The following LIN9 variants were observed in gnomAD, a reference collection of about 807,000 sequenced individuals.
The protein encoded by LIN9 is lin-9 DREAM MuvB core complex component.
In LIN9, 18 loss-of-function variants were observed where a neutral mutation model predicts 78.0. The ratio of observed to expected loss-of-function variants is 0.23; its 90% CI spans 0.16 to 0.34. The LOEUF (loss-of-function observed/expected upper bound fraction) is 0.34, where lower values mean the gene tolerates loss of function less well. Among genes scored for constraint, LIN9 ranks in the 10% least tolerant of loss-of-function variants. LIN9 has a pLI of 1.00. For synonymous variants in LIN9, 192 were observed against 215.2 expected, an observed-to-expected ratio of 0.89 and a Z score of 0.94; for missense variants, 451 against 644.1, an observed-to-expected ratio of 0.70 and a Z score of 3.25.
rs1269316727 is a variant in LIN9, at chr1:226,231,975, T to A, written c.*526A>T. On this transcript the variant is annotated 3_prime_UTR_variant, in exon 15 of 15. Coordinates refer to ENST00000681046, the MANE Select transcript of LIN9 (RefSeq NM_001366245.2). ...ATACTTGTAAAGTCCACATTTCCCATCTATATTTCAGTGGTTTCCTTAAAA... is the reference window on the plus strand; with the variant it reads ...ATACTTGTAAAGTCCACATTTCCCAACTATATTTCAGTGGTTTCCTTAAAA... 5.1e-6 allele frequency: 2 copies of A among 395,172 alleles called. No individual in the cohort carries two copies. Among genetic ancestry groups the A allele is most frequent in the Non-Finnish European group, 8.9e-6 (2 of 224,248 alleles). The allele number at this position is 395,172 out of a possible 1,614,324, so 24.5% of individuals were successfully genotyped here.
chr1:226,247,498 TG>T (rs1658559770), intron 11 of LIN9, among the ~76,000 whole-genome samples: 1 of 152,150 alleles, frequency 6.6e-6, no homozygotes, highest in South Asian at 2.1e-4. Flanking sequence ...ACTCTAATTT[TG>T]GCCTCCAACC....
chr1:226,294,958 C>T (rs1662049182), intron 4 of LIN9, among the ~76,000 whole-genome samples: 1 of 151,812 alleles, frequency 6.6e-6, no homozygotes, highest in Admixed American at 6.6e-5. Flanking sequence ...TGCCACTATG[C>T]TAGCTAGTTT....
At chr1:226,285,767 G>C (rs1478974096) in intron 6 of LIN9, among the ~76,000 whole-genome samples, 1 of 152,066 alleles carries the variant, frequency 6.6e-6, no homozygotes, top group Non-Finnish European at 1.5e-5. Flanking sequence ...TTCTGGGAAG[G>C]CTCCTGAGAT....
intron 7 of LIN9, among the ~76,000 whole-genome samples, chr1:226,273,521 A>T (rs1386671798): frequency 6.6e-6 from 1 of 152,188 alleles, no homozygotes; most frequent in Non-Finnish European, 1.5e-5. Context: ...CTGGGATGAT[A>T]GGCATGAGCC....
chr1:226,239,546 A>G (rs1657967575), intron 11 of LIN9, among the ~76,000 whole-genome samples: 1 of 152,312 alleles, frequency 6.6e-6, no homozygotes, highest in Non-Finnish European at 1.5e-5. Context: ...CAGATTATAT[A>G]TGTTCAAATT....
chr1:226,287,474 C>T (rs920661153), intron 5 of LIN9, among the ~76,000 whole-genome samples, 190 bp downstream of exon 5: 15 of 152,044 alleles, frequency 9.9e-5, no homozygotes, highest in Non-Finnish European at 1.6e-4. Flanking sequence ...CAGTTTTCTT[C>T]CCCAAAAAGG....
At chr1:226,304,930 G>A (rs1402328456) in intron 1 of LIN9, among the ~76,000 whole-genome samples, 1 of 152,156 alleles carries the variant, frequency 6.6e-6, no homozygotes, top group African/African-American at 2.4e-5. Flanking sequence ...CTGGCACAGT[G>A]GCTCACACCT....
intron 4 of LIN9, among the ~76,000 whole-genome samples, chr1:226,289,840 G>A (rs1005496837): frequency 1.5e-5 from 1 of 65,698 alleles, no homozygotes; most frequent in Non-Finnish European, 3.3e-5. Flanking sequence ...CCTCCGGGGG[G>A]GGGGGTGGGG....
At chr1:226,305,077 G>A in intron 1 of LIN9, among the ~76,000 whole-genome samples, 1 of 151,932 alleles carries the variant, frequency 6.6e-6, no homozygotes, top group Non-Finnish European at 1.5e-5. Flanking sequence ...GGCTAAGGCA[G>A]GAGAATTGCT....
At chr1:226,281,494 A>C (rs1370102251) in intron 6 of LIN9, among the ~76,000 whole-genome samples, 1 of 152,072 alleles carries the variant, frequency 6.6e-6, no homozygotes, top group Non-Finnish European at 1.5e-5. Flanking sequence ...AAAAATTATA[A>C]TGTTCCCAAC....
intron 10 of LIN9, among the ~76,000 whole-genome samples, chr1:226,251,203 G>A (rs549279078): frequency 1.3e-5 from 2 of 150,268 alleles, no homozygotes; most frequent in African/African-American, 4.9e-5. Flanking sequence ...ACAGGCACAC[G>A]CAACCATGCC....
intron 10 of LIN9, among the ~76,000 whole-genome samples, chr1:226,251,376 C>T (rs1439596421): frequency 3.3e-5 from 5 of 152,100 alleles, no homozygotes; most frequent in Non-Finnish European, 5.9e-5. Context: ...TACAGGCACC[C>T]GCCACCATGC....
chr1:226,256,110 T>C (rs1167465089), intron 10 of LIN9, among the ~76,000 whole-genome samples: 1 of 151,950 alleles, frequency 6.6e-6, no homozygotes, highest in African/African-American at 2.4e-5. Flanking sequence ...GGTCCAGCTA[T>C]GGTGGCTCAC....
chr1:226,282,368 G>A (rs1184486840), intron 6 of LIN9, among the ~76,000 whole-genome samples: 3 of 152,070 alleles, frequency 2.0e-5, no homozygotes, highest in African/African-American at 4.8e-5. Flanking sequence ...CTACATCAAG[G>A]CAATGGAAAT....
chr1:226,280,504 G>A (rs908657034), intron 6 of LIN9, among the ~76,000 whole-genome samples: 15 of 152,090 alleles, frequency 9.9e-5, no homozygotes, highest in East Asian at 5.8e-4. Flanking sequence ...GCGGCCGGGC[G>A]CAGTGGCTCA....
At chr1:226,297,353 C>A (rs781333012) in intron 3 of LIN9, among the ~76,000 whole-genome samples, 7 of 152,092 alleles carry the variant, frequency 4.6e-5, no homozygotes, top group Non-Finnish European at 8.8e-5. Context: ...TTGAGCTACA[C>A]AATGATTTCT....
At chr1:226,303,872 C>T (rs904807049) in intron 1 of LIN9, among the ~76,000 whole-genome samples, 4 of 152,326 alleles carry the variant, frequency 2.6e-5, no homozygotes, top group South Asian at 2.1e-4. Context: ...TCCCAAAGTG[C>T]TGGGATTATA....
chr1:226,242,632 A>G (rs1658189763), intron 11 of LIN9, among the ~76,000 whole-genome samples: 1 of 152,210 alleles, frequency 6.6e-6, no homozygotes, highest in Admixed American at 6.5e-5. Context: ...TACATTACTT[A>G]TATGCAGACT....
intron 12 of LIN9, among the ~76,000 whole-genome samples, chr1:226,235,019 C>T (rs1657595273): frequency 6.6e-6 from 1 of 150,644 alleles, no homozygotes; most frequent in Non-Finnish European, 1.5e-5. Flanking sequence ...TTTGCTCAGT[C>T]CTAGAGTACA....
Sources: gnomAD v4.1 joint callset for allele counts (sites outside exome capture counted in the v4.1 genomes callset) on GRCh38, gnomAD v4.1.1 for gene constraint, MANE v1.5 for transcripts, NCBI Gene and HGNC (gene_info 2026-07-23, HGNC 2026-07-21) for gene names.